The following NRXN1 variants were observed in gnomAD, a reference collection of about 807,000 sequenced individuals.
The protein encoded by NRXN1 is neurexin-1.
NRXN1 carries 39 observed loss-of-function variants against 150.9 expected under a neutral mutation model. The observed-to-expected ratio is 0.26, with a 90% CI of 0.20 to 0.34. The LOEUF (loss-of-function observed/expected upper bound fraction) is 0.34. NRXN1 is among the 10% of genes least tolerant of loss of function. The probability of loss-of-function intolerance (pLI) is 1.00; values close to 1 mark genes in which losing one functional copy is unlikely to be tolerated. For missense variants in NRXN1, 1,815 were observed against 1,949.9 expected, an observed-to-expected ratio of 0.93 and a Z score of 1.30; for synonymous variants, 924 against 757.0, an observed-to-expected ratio of 1.22 and a Z score of -3.62.
At chr2:50,228,503 G>A (rs35208239) in intron 18 of NRXN1, among the ~76,000 whole-genome samples, 64,147 of 151,758 alleles carry the variant, frequency 0.42, 13,745 homozygotes, top group Middle Eastern at 0.46. Flanking sequence ...TCAGTCGCCT[G>A]TGAGACACCC....
intron 2 of NRXN1, among the ~76,000 whole-genome samples, chr2:50,947,939 G>A (rs959607725): frequency 6.6e-6 from 1 of 151,906 alleles, no homozygotes; most frequent in African/African-American, 2.4e-5. Context: ...TATTCAGACA[G>A]ATAATATGGT....
intron 18 of NRXN1, among the ~76,000 whole-genome samples, chr2:50,173,637 G>A (rs751428729): frequency 3.3e-5 from 5 of 152,030 alleles, no homozygotes; most frequent in African/African-American, 1.2e-4. Flanking sequence ...TGCATAACGA[G>A]CCCATTTTTA....
At chr2:50,376,802 A>G (rs1249996181) in intron 17 of NRXN1, among the ~76,000 whole-genome samples, 1 of 152,140 alleles carries the variant, frequency 6.6e-6, no homozygotes, top group Non-Finnish European at 1.5e-5. Context: ...GAAACTCTTA[A>G]CAATAACTTA....
rs72887856 is a variant in NRXN1 at position 49,994,778 on chromosome 2, C to G, written c.4129-50987G>C. ...ATAATTATTTGATGATACAGTCAAA[C>G]AAGAAAGTATTCTGCTTTTTGTAAG... On this transcript the variant is annotated intron_variant, in intron 21 of 22. Coordinates refer to ENST00000401669, the MANE Select transcript of NRXN1 (RefSeq NM_001330078.2). Among the ~76,000 whole-genome samples, 783 of 152,294 alleles carry G rather than the reference C, an allele frequency of 5.1e-3. 8 individuals carry two copies. The highest frequency in any genetic ancestry group is 0.018 in the African/African-American group (751 of 41,554).
intron 17 of NRXN1, among the ~76,000 whole-genome samples, chr2:50,420,985 TGTG>T (rs2083946651): frequency 6.8e-6 from 1 of 147,000 alleles, no homozygotes; most frequent in South Asian, 2.1e-4. Flanking sequence ...TGTGTGTGTG[TGTG>T]TGTGTGTGTG....
intron 21 of NRXN1, among the ~76,000 whole-genome samples, chr2:50,042,445 A>G (rs1691136110): frequency 6.6e-6 from 1 of 152,146 alleles, no homozygotes; most frequent in Non-Finnish European, 1.5e-5. Context: ...TTCTGCCATG[A>G]TTGTAAGTTT....
At chr2:50,663,041 T>C (rs1361693596) in intron 5 of NRXN1, among the ~76,000 whole-genome samples, 1 of 152,034 alleles carries the variant, frequency 6.6e-6, no homozygotes, top group Admixed American at 6.6e-5. Context: ...ATTTGAGAAA[T>C]GATGCCCAGT....
chr2:50,825,521 G>C (rs78350701), intron 5 of NRXN1, among the ~76,000 whole-genome samples: 11,470 of 152,290 alleles, frequency 0.075, 537 homozygotes, highest in Middle Eastern at 0.13. Flanking sequence ...AAAAGGACTG[G>C]AGTCAGGGAG....
intron 5 of NRXN1, among the ~76,000 whole-genome samples, chr2:50,793,885 T>A (rs542380717): frequency 6.6e-6 from 1 of 152,184 alleles, no homozygotes; most frequent in South Asian, 2.1e-4. Flanking sequence ...TTTAGCAGCT[T>A]ATATTTCAAT....
chr2:49,956,632 G>A (rs368163600), intron 21 of NRXN1, among the ~76,000 whole-genome samples: 11 of 152,030 alleles, frequency 7.2e-5, no homozygotes, highest in Admixed American at 2.6e-4. Flanking sequence ...CCAACATACC[G>A]TAGCACCTTA....
intron 5 of NRXN1, among the ~76,000 whole-genome samples, chr2:50,900,150 C>T (rs1682695383): frequency 6.6e-6 from 1 of 152,142 alleles, no homozygotes; most frequent in Non-Finnish European, 1.5e-5. Flanking sequence ...CATGGCTACT[C>T]ACAAGAAATT....
In NRXN1 at chr2:50,276,493, A is replaced by T. The variant is rs555535416; in HGVS notation, c.3365-39523T>A. 1.6e-4 allele frequency among the ~76,000 whole-genome samples: 24 copies of T among 152,284 alleles called. No individual in the cohort carries two copies. The South Asian group carries it at 3.7e-3, about 24-fold the overall frequency. On this transcript the variant is annotated intron_variant, in intron 17 of 22. Coordinates refer to ENST00000401669, the MANE Select transcript of NRXN1 (RefSeq NM_001330078.2). ...GGAATTCATTAGATATTTAAAATGC[A>T]GCAATTATTAAGTCTGTGCTAGGAT...
chr2:50,567,855 T>C (rs2105437943), intron 8 of NRXN1, among the ~76,000 whole-genome samples: 1 of 152,282 alleles, frequency 6.6e-6, no homozygotes, highest in Admixed American at 6.5e-5. Context: ...AGACATTCTT[T>C]TAACCACTTT....
At chr2:50,313,823 C>T (rs942942526) in intron 17 of NRXN1, among the ~76,000 whole-genome samples, 10 of 152,006 alleles carry the variant, frequency 6.6e-5, no homozygotes, top group African/African-American at 2.2e-4. Context: ...ACAAATGTCT[C>T]GTGTTTTCAT....
intron 15 of NRXN1, among the ~76,000 whole-genome samples, chr2:50,490,387 T>C (rs2091181493): frequency 6.6e-6 from 1 of 152,122 alleles, no homozygotes. Context: ...ACCCATAGTC[T>C]CCTTCTCTTC....
intron 5 of NRXN1, among the ~76,000 whole-genome samples, chr2:50,915,093 A>C (rs1431844095): frequency 1.3e-5 from 2 of 151,712 alleles, no homozygotes; most frequent in Non-Finnish European, 3.0e-5. Context: ...AGTATTAAGC[A>C]GGGTGGTCGG....
intron 5 of NRXN1, among the ~76,000 whole-genome samples, chr2:50,675,752 T>C (rs1476033081): frequency 6.6e-6 from 1 of 152,120 alleles, no homozygotes; most frequent in Non-Finnish European, 1.5e-5. Context: ...CTTTGAGGAA[T>C]CTGAATTTTA....
intron 17 of NRXN1, among the ~76,000 whole-genome samples, chr2:50,308,345 T>G (rs1359394821): frequency 6.6e-6 from 1 of 152,102 alleles, no homozygotes; most frequent in Non-Finnish European, 1.5e-5. Context: ...TTTTACGTTT[T>G]TAGAGTCAGA....
At chr2:51,013,141 G>T (rs573976495) in intron 2 of NRXN1, among the ~76,000 whole-genome samples, 1 of 152,196 alleles carries the variant, frequency 6.6e-6, no homozygotes, top group Admixed American at 6.5e-5. Context: ...CAAACAAGAG[G>T]AAGTGCAAGG....
Sources: allele counts gnomAD v4.1 joint callset (sites outside exome capture counted in the v4.1 genomes callset), GRCh38; gene constraint gnomAD v4.1.1; transcripts MANE v1.5; gene names NCBI Gene and HGNC (gene_info 2026-07-23, HGNC 2026-07-21).